Variants in LPP observed in about 807,000 individuals in gnomAD.
LPP encodes lipoma-preferred partner.
Under a neutral mutation model 60.4 loss-of-function variants are expected in LPP, and 38 were observed. That is an observed-to-expected ratio of 0.63 (90% CI 0.49 to 0.83). LPP has a LOEUF of 0.83. LPP is among the 40% of genes least tolerant of loss of function. The probability of loss-of-function intolerance (pLI) is 0.00; values close to 1 mark genes in which losing one functional copy is unlikely to be tolerated. For synonymous variants in LPP, 328 were observed against 290.8 expected (o/e 1.13, Z -1.30); for missense variants, 902 against 783.6 (o/e 1.15, Z -1.80).
At chr3:188,518,330 A>C (rs1452854267) in intron 5 of LPP, among the ~76,000 whole-genome samples, 1 of 152,234 alleles carries the variant, frequency 6.6e-6, no homozygotes, top group African/African-American at 2.4e-5. Flanking sequence ...CTGTTGTATT[A>C]TTAAATTTAA....
intron 7 of LPP, among the ~76,000 whole-genome samples, chr3:188,611,071 G>A (rs1843619330): frequency 6.6e-6 from 1 of 152,150 alleles, no homozygotes; most frequent in East Asian, 1.9e-4. Flanking sequence ...TTACTAAACT[G>A]TTTTTCTTAT....
rs149312364 is a variant in LPP, at chr3:188,605,283, A to G, written c.430-3878A>G. On this transcript the variant is annotated intron_variant, in intron 6 of 11. Coordinates refer to ENST00000617246, the MANE Select transcript of LPP (RefSeq NM_001375462.1). ...GGATTGTAGTAGTGGAAATGGTAAA[A>G]TGTGGACATATTTGTGAGTTATGGA... Among the ~76,000 whole-genome samples, 493 of 152,266 alleles carry G rather than the reference A, an allele frequency of 3.2e-3. 3 individuals are homozygous for G. The highest frequency in any genetic ancestry group is 0.011 in the African/African-American group (461 of 41,580).
chr3:188,205,960 C>G (rs1733087804), intron 1 of LPP, among the ~76,000 whole-genome samples: 1 of 152,170 alleles, frequency 6.6e-6, no homozygotes, highest in African/African-American at 2.4e-5. Flanking sequence ...AGGAAAAGTT[C>G]TGCTGCTACA....
intron 5 of LPP, among the ~76,000 whole-genome samples, chr3:188,506,458 A>G (rs1813484840): frequency 6.6e-6 from 1 of 152,196 alleles, no homozygotes; most frequent in African/African-American, 2.4e-5. Context: ...TTGCATGTAC[A>G]TTAATCTTGC....
chr3:188,658,901 C>T (rs1853952359), intron 7 of LPP, among the ~76,000 whole-genome samples: 1 of 152,162 alleles, frequency 6.6e-6, no homozygotes, highest in Non-Finnish European at 1.5e-5. Flanking sequence ...GATGATACTC[C>T]AGAGCCCCAT....
intron 4 of LPP, among the ~76,000 whole-genome samples, chr3:188,421,294 C>T (rs1787728168): frequency 6.6e-6 from 1 of 152,044 alleles, no homozygotes; most frequent in Non-Finnish European, 1.5e-5. Flanking sequence ...AGTGCAGTGG[C>T]CTATTTTAGT....
chr3:188,353,973 T>C (rs1727106166), intron 3 of LPP, among the ~76,000 whole-genome samples: 1 of 151,560 alleles, frequency 6.6e-6, no homozygotes, highest in South Asian at 2.1e-4. Flanking sequence ...TTTTTTTTTT[T>C]GGTTTCAAAA....
chr3:188,637,246 C>T (rs1468901086), intron 7 of LPP, among the ~76,000 whole-genome samples: 6 of 152,092 alleles, frequency 3.9e-5, no homozygotes, highest in Non-Finnish European at 8.8e-5. Context: ...AACTGACCAA[C>T]CTGCTCCTGA....
At chr3:188,674,966 T>C (rs1282129584) in intron 7 of LPP, among the ~76,000 whole-genome samples, 1 of 152,250 alleles carries the variant, frequency 6.6e-6, no homozygotes, top group African/African-American at 2.4e-5. Flanking sequence ...TTGTGTTGCA[T>C]AAGTCCTTGG....
At chr3:188,257,750 T>G (rs907919951) in intron 2 of LPP, among the ~76,000 whole-genome samples, 1 of 152,240 alleles carries the variant, frequency 6.6e-6, no homozygotes, top group Non-Finnish European at 1.5e-5. Flanking sequence ...ACATCATTCC[T>G]AATCTTAGAA....
intron 6 of LPP, among the ~76,000 whole-genome samples, chr3:188,593,925 C>T (rs914115325): frequency 5.3e-5 from 8 of 152,100 alleles, no homozygotes; most frequent in South Asian, 4.1e-4. Context: ...GTATCATTTT[C>T]GAATAATGAC....
chr3:188,469,374 C>G (rs962534903), intron 4 of LPP, among the ~76,000 whole-genome samples: 1 of 151,952 alleles, frequency 6.6e-6, no homozygotes, highest in Non-Finnish European at 1.5e-5. Context: ...GTTGTTTTGA[C>G]TTGGTTACAT....
chr3:188,499,990 G>A (rs922498630), intron 5 of LPP, among the ~76,000 whole-genome samples: 3 of 152,008 alleles, frequency 2.0e-5, no homozygotes, highest in African/African-American at 7.2e-5. Context: ...TCACTATTTA[G>A]TTCTAATAGT....
chr3:188,254,241 G>A (rs141559233), intron 2 of LPP, among the ~76,000 whole-genome samples: 5 of 152,236 alleles, frequency 3.3e-5, no homozygotes, highest in African/African-American at 1.2e-4. Context: ...GTCCTTATAT[G>A]GGCAGGAAAA....
intron 8 of LPP, among the ~76,000 whole-genome samples, chr3:188,733,344 G>A (rs182145650): frequency 3.3e-5 from 5 of 150,728 alleles, no homozygotes; most frequent in East Asian, 3.9e-4. Flanking sequence ...ACATGTACAC[G>A]CTAGTATGCT....
intron 1 of LPP, among the ~76,000 whole-genome samples, chr3:188,189,424 G>A (rs751800929): frequency 6.6e-6 from 1 of 152,168 alleles, no homozygotes; most frequent in African/African-American, 2.4e-5. Context: ...GAGAGTGATA[G>A]GCAGGCCAGG....
chr3:188,367,497 A>G (rs59710375), intron 3 of LPP, among the ~76,000 whole-genome samples: 2,715 of 152,320 alleles, frequency 0.018, 81 homozygotes, highest in African/African-American at 0.061. Context: ...TAAAAATAGA[A>G]TTTAGCATAC....
chr3:188,309,810 A>G (rs1752803393), intron 2 of LPP, among the ~76,000 whole-genome samples: 1 of 152,196 alleles, frequency 6.6e-6, no homozygotes, highest in Non-Finnish European at 1.5e-5. Context: ...AAAGTAAGAA[A>G]CAACAAAGTT....
chr3:188,598,775 G>A lies in LPP; in HGVS notation c.430-10386G>A, dbSNP rs181543360. 5.9e-3 allele frequency among the ~76,000 whole-genome samples: 901 copies of A among 151,970 alleles called. 5 individuals carry two copies. The highest frequency in any genetic ancestry group is 0.01 in the Non-Finnish European group (692 of 67,988). On this transcript the variant is annotated intron_variant, in intron 6 of 11. Transcript: ENST00000617246. ...TATAAACAAGTAAAATCACTTATGT[G>A]CGTTTTAATAGCTCTTCATTGCAAG... is the stretch of plus-strand genomic sequence containing the variant.
Sources: allele counts gnomAD v4.1 joint callset (sites outside exome capture counted in the v4.1 genomes callset), GRCh38; gene constraint gnomAD v4.1.1; transcripts MANE v1.5; gene names NCBI Gene and HGNC (gene_info 2026-07-23, HGNC 2026-07-21).